ZNF622: variants seen among roughly 807,000 people sequenced by gnomAD.
ZNF622 encodes the protein cytoplasmic 60S subunit biogenesis factor ZNF622.
ZNF622 carries 34 observed loss-of-function variants against 49.7 expected under a neutral mutation model. The ratio of observed to expected loss-of-function variants is 0.68; its 90% CI spans 0.52 to 0.91. The LOEUF is 0.91. Ranked by LOEUF, ZNF622 falls within the 40% of genes least tolerant of loss-of-function variation. The pLI, the probability that ZNF622 is intolerant of heterozygous loss-of-function variation, is 0.00. For missense variants in ZNF622, 569 were observed against 616.4 expected (o/e 0.92, Z 0.81); for synonymous variants, 209 against 228.7 (o/e 0.91, Z 0.78).
In ZNF622 at chr5:16,465,133, G is replaced by T; in HGVS notation, c.533C>A (p.Pro178His). The T allele has an allele frequency of 6.2e-7, 1 of 1,614,170 alleles. No individual in the cohort carries two copies. Among genetic ancestry groups the T allele is most frequent in the Non-Finnish European group, 8.5e-7 (1 of 1,180,020 alleles). Residue 178 changes from proline (P) to histidine (H), a missense_variant, in exon 1 of 6, where the codon CCC becomes CAC. By Grantham distance (77) the Pro-to-His change is moderately conservative. Coordinates refer to ENST00000308683, the MANE Select transcript of ZNF622 (RefSeq NM_033414.3). This position sits in a 1 kb window ranked among gnomAD's most constrained non-coding sequence, Gnocchi z 6.2. Reference protein sequence around the residue: ...THDRDPSEKPPRLQWFEQQAK... With the variant: ...THDRDPSEKPHRLQWFEQQAK... ...CTGCTGTTCAAACCACTGGAGCCGG[G>T]GTGGTTTCTCACTCGGGTCTCGGTC...
Position 16,465,294 on chromosome 5 carries a change from G to A in ZNF622, c.372C>T (p.Asp124=). 2 of 1,614,246 alleles carry A rather than the reference G, an allele frequency of 1.2e-6. No individual in the cohort carries two copies. The highest frequency in any genetic ancestry group is 2.2e-5 in the East Asian group (1 of 44,878). ...GGATGGCCGCGTTCATGGCATCCTT[G>A]TCCACACTGTCCACGCCCAGTCCTT... ...LEKGLGVDSV[D]KDAMNAAIQQ... is the part of the protein sequence containing the mutation. The change falls in exon 1 of 6, where the codon GAC becomes GAT. Residue 124 remains aspartate (D), a synonymous_variant. Transcript: ENST00000308683. This position sits in a 1 kb window ranked among gnomAD's most constrained non-coding sequence, Gnocchi z 6.2.
intron 4 of ZNF622, among the ~76,000 whole-genome samples, chr5:16,453,919 T>C (rs766791261): frequency 6.6e-6 from 1 of 152,152 alleles, no homozygotes; most frequent in Non-Finnish European, 1.5e-5. Flanking sequence ...TGAGTAACCC[T>C]GACCTATTGC....
intron 1 of ZNF622, among the ~76,000 whole-genome samples, chr5:16,464,142 C>A (rs948688714): frequency 1.3e-5 from 2 of 150,650 alleles, no homozygotes; most frequent in South Asian, 4.1e-4. Context: ...GCTCTATGAA[C>A]GGCTATGGTT....
chr5:16,453,753 G>T (rs1453638260), intron 4 of ZNF622, among the ~76,000 whole-genome samples: 2 of 151,702 alleles, frequency 1.3e-5, no homozygotes, highest in African/African-American at 2.4e-5. Flanking sequence ...GGGACATTGG[G>T]CACTGACTGA....
chr5:16,451,784 C>T lies in ZNF622; in HGVS notation c.1307G>A (p.Gly436Glu). The T allele has an allele frequency of 6.2e-7, 1 of 1,610,898 alleles. No homozygotes were observed. Among genetic ancestry groups the T allele is most frequent in the South Asian group, 1.1e-5 (1 of 90,308 alleles). ...YRALGWTGST[G>E]AALMRERDMQ... The stretch of plus-strand genomic sequence containing the variant: ...GTCTCGCTCTCGCATAAGAGCCGCT[C>T]CTATGATTGGAAGGCAGTTAAGAAA... The change falls in exon 6 of 6, where the codon GGA becomes GAA. Residue 436 changes from glycine to glutamate, a missense_variant and splice_region_variant. Transcript: ENST00000308683.
chr5:16,458,705 T>G, intron 3 of ZNF622, 76 bp from the exon 4 acceptor site: 1 of 1,048,470 alleles, frequency 9.5e-7, no homozygotes, highest in South Asian at 1.6e-5. Flanking sequence ...CATTTGCAAA[T>G]GTGGCAAACT....
intron 1 of ZNF622, among the ~76,000 whole-genome samples, chr5:16,464,794 C>T (rs1738185387): frequency 6.6e-6 from 1 of 152,192 alleles, no homozygotes; most frequent in Non-Finnish European, 1.5e-5. Flanking sequence ...AATTCATTCT[C>T]CAAATATGCA....
intron 4 of ZNF622, among the ~76,000 whole-genome samples, chr5:16,456,035 T>C (rs1272979202): frequency 6.6e-6 from 1 of 152,250 alleles, no homozygotes; most frequent in African/African-American, 2.4e-5. Context: ...TGGTGAAGCA[T>C]GCGACCTGTC....
chr5:16,453,048 T>C lies in ZNF622; in HGVS notation c.1271A>G (p.Gln424Arg), dbSNP rs150811925. 8.8e-5 allele frequency: 138 copies of C among 1,574,642 alleles called. No homozygotes were observed. Among genetic ancestry groups the C allele is most frequent in the Non-Finnish European group, 1.1e-4 (133 of 1,156,952 alleles). Reference protein sequence around the residue: ...KNRKAVGRVLQQYRALGWTGS... With the variant: ...KNRKAVGRVLRQYRALGWTGS... The stretch of plus-strand genomic sequence containing the variant: ...AGTCCATCCCAGGGCTCTGTACTGC[T>C]GAAGTACTCGGCCCACGGCCTTCCG... The change falls in exon 5 of 6, where the codon CAG (glutamine) becomes CGG (arginine). Residue 424 changes from glutamine (Q) to arginine (R), a missense_variant. Transcript: ENST00000308683.
Position 16,451,581 on chromosome 5 carries a change from A to G in ZNF622, c.*76T>C. ...AAGTAGCAGCAAAAGGGTCTCTCCTATGATCTGTCTTTCACTGGTCCTCAG... is the reference window on the plus strand; with the variant it reads ...AAGTAGCAGCAAAAGGGTCTCTCCTGTGATCTGTCTTTCACTGGTCCTCAG... On this transcript the variant is annotated 3_prime_UTR_variant, in exon 6 of 6. Transcript: ENST00000308683. 4.5e-6 allele frequency: 7 copies of G among 1,558,958 alleles called. No individual in the cohort carries two copies. The South Asian group carries it at 7.4e-5, about 17-fold the overall frequency.
intron 4 of ZNF622, among the ~76,000 whole-genome samples, chr5:16,454,363 C>T (rs1737986777): frequency 6.6e-6 from 1 of 151,756 alleles, no homozygotes; most frequent in Non-Finnish European, 1.5e-5. Flanking sequence ...TGGTGGGCAC[C>T]TGTAGTCCCA....
rs748319992 is a variant in ZNF622 at position 16,465,573 on chromosome 5, G to A, written c.93C>T (p.Asn31=). 2 of 1,613,670 alleles carry A rather than the reference G, an allele frequency of 1.2e-6. No individual in the cohort carries two copies. The highest frequency in any genetic ancestry group is 1.3e-5 in the African/African-American group (1 of 75,068). Residue 31 remains asparagine (N), a synonymous_variant, in exon 1 of 6, where the codon AAC becomes AAT. Transcript: ENST00000308683. This position sits in a 1 kb window ranked among gnomAD's most constrained non-coding sequence, Gnocchi z 6.2. The part of the protein sequence containing the change: ...AHYKTDWHRY[N]LRRKVASMAP... ...CCATGCTGGCCACCTTCCGCCGCAG[G>A]TTGTAGCGGTGCCAGTCCGTCTTAT...
intron 1 of ZNF622, 59 bp downstream of exon 1, chr5:16,464,982 G>A: frequency 6.6e-7 from 1 of 1,519,940 alleles, no homozygotes; most frequent in Non-Finnish European, 8.8e-7. Context: ...GTATAAATCT[G>A]GAAACTTAAG....
Position 16,453,020 on chromosome 5 carries a change from G to A in ZNF622, c.1299C>T (p.Gly433=). The A allele has an allele frequency of 6.8e-7, 1 of 1,470,042 alleles. No individual in the cohort carries two copies. The highest frequency in any genetic ancestry group is 9.1e-7 in the Non-Finnish European group (1 of 1,100,308). The allele number at this position is 1,470,042 out of a possible 1,614,324, so 91.1% of individuals were successfully genotyped here. A position where few individuals can be genotyped will look rare whatever the true frequency, so the allele number is the denominator to read the frequency against. The part of the protein sequence containing the change: ...LQQYRALGWT[G]STGAALMRER... ...TTGTAAAGATCAATGTACCTGTGCT[G>A]CCAGTCCATCCCAGGGCTCTGTACT... is the stretch of plus-strand genomic sequence containing the variant. Residue 433 remains glycine (G), a synonymous_variant, in exon 5 of 6, where the codon GGC becomes GGT. Coordinates refer to ENST00000308683, the MANE Select transcript of ZNF622 (RefSeq NM_033414.3).
intron 3 of ZNF622, among the ~76,000 whole-genome samples, chr5:16,459,542 A>G (rs962608809): frequency 3.9e-5 from 6 of 152,224 alleles, no homozygotes; most frequent in African/African-American, 9.6e-5. Context: ...CAACTCCTAC[A>G]TATACACACA....
At chr5:16,461,919 C>T (rs1738126688) in intron 3 of ZNF622, among the ~76,000 whole-genome samples, 1 of 152,192 alleles carries the variant, frequency 6.6e-6, no homozygotes, top group Non-Finnish European at 1.5e-5. Context: ...GCTGGGCATT[C>T]CAAGCCTACT....
chr5:16,464,019 A>G (rs1738168200), intron 1 of ZNF622, among the ~76,000 whole-genome samples: 5 of 152,202 alleles, frequency 3.3e-5, no homozygotes, highest in Admixed American at 3.3e-4. Flanking sequence ...AGTGCTGAAA[A>G]TATAGTTAGG....
intron 4 of ZNF622, among the ~76,000 whole-genome samples, chr5:16,457,462 T>C (rs967482748): frequency 4.6e-5 from 7 of 152,206 alleles, no homozygotes; most frequent in South Asian, 2.1e-4. Context: ...AGATAGGCCA[T>C]AATAATATAT....
At chr5:16,460,675 A>C (rs1738107748) in intron 3 of ZNF622, among the ~76,000 whole-genome samples, 1 of 152,056 alleles carries the variant, frequency 6.6e-6, no homozygotes, top group Non-Finnish European at 1.5e-5. Flanking sequence ...AGCAGCTGGT[A>C]CTACAGGCTC....
Sources: gnomAD v4.1 joint callset for allele counts (sites outside exome capture counted in the v4.1 genomes callset) on GRCh38, gnomAD v4.1.1 for gene constraint, Gnocchi (gnomAD v3.1) non-coding constraint, MANE v1.5 for transcripts, NCBI Gene and HGNC (gene_info 2026-07-23, HGNC 2026-07-21) for gene names.